BTRC: variants seen among roughly 807,000 people sequenced by gnomAD.
BTRC encodes beta-transducin repeat containing E3 ubiquitin protein ligase.
Under a neutral mutation model 85.5 loss-of-function variants are expected in BTRC, and 42 were observed. The ratio of observed to expected loss-of-function variants is 0.49; its 90% confidence interval spans 0.38 to 0.64. The LOEUF is 0.64. Among genes scored for constraint, BTRC ranks in the 30% least tolerant of loss-of-function variants. The pLI, the probability that BTRC is intolerant of heterozygous loss-of-function variation, is 0.00. For synonymous variants in BTRC, 255 were observed against 263.3 expected, an observed-to-expected ratio of 0.97 and a Z score of 0.30; for missense variants, 594 against 743.5, an observed-to-expected ratio of 0.80 and a Z score of 2.34.
intron 4 of BTRC, among the ~76,000 whole-genome samples, chr10:101,509,201 A>G (rs937720291): frequency 2.0e-5 from 3 of 149,052 alleles, no homozygotes; most frequent in Non-Finnish European, 2.9e-5. Flanking sequence ...AGTGTAAACA[A>G]TCCTATTTCC....
chr10:101,449,443 C>T (rs1337464573), intron 2 of BTRC, among the ~76,000 whole-genome samples: 2 of 151,978 alleles, frequency 1.3e-5, no homozygotes, highest in Non-Finnish European at 2.9e-5. Context: ...AACCAGATGT[C>T]CTTATTAGTG....
intron 1 of BTRC, among the ~76,000 whole-genome samples, chr10:101,392,172 G>T (rs764778855): frequency 6.6e-6 from 1 of 152,156 alleles, no homozygotes; most frequent in African/African-American, 2.4e-5. Context: ...TAGCGACTGG[G>T]TTTCACCATG....
At chr10:101,432,408 G>A (rs1944426896) in intron 2 of BTRC, among the ~76,000 whole-genome samples, 1 of 152,154 alleles carries the variant, frequency 6.6e-6, no homozygotes, top group Non-Finnish European at 1.5e-5. Flanking sequence ...GATTACAGAT[G>A]TGAGCCACTG....
chr10:101,446,432 A>G (rs1481633130), intron 2 of BTRC, among the ~76,000 whole-genome samples: 1 of 152,122 alleles, frequency 6.6e-6, no homozygotes, highest in Non-Finnish European at 1.5e-5. Context: ...CAAATTATCC[A>G]GTACATTTTT....
intron 4 of BTRC, among the ~76,000 whole-genome samples, chr10:101,515,975 G>A (rs1310903463): frequency 1.3e-5 from 2 of 152,140 alleles, no homozygotes; most frequent in Non-Finnish European, 2.9e-5. Context: ...AGTGAGTCTC[G>A]TGATGATCTG....
intron 3 of BTRC, among the ~76,000 whole-genome samples, chr10:101,463,969 A>G (rs1945299060): frequency 6.6e-6 from 1 of 151,788 alleles, no homozygotes; most frequent in South Asian, 2.1e-4. Context: ...ACAAACAAAA[A>G]TCCACAAATG....
chr10:101,521,988 C>G (rs2062113046), intron 5 of BTRC, 118 bp downstream of exon 5: 1 of 273,974 alleles, frequency 3.6e-6, no homozygotes, highest in African/African-American at 3.1e-5. Context: ...AATTAAGTTC[C>G]TTAACTGTAC....
At chr10:101,504,385 A>G (rs9420842) in intron 4 of BTRC, among the ~76,000 whole-genome samples, 44,963 of 151,844 alleles carry the variant, frequency 0.3, 7,958 homozygotes, top group Middle Eastern at 0.47. Flanking sequence ...GCATTTGGTT[A>G]TATTCATTCT....
At chr10:101,479,235 A>C (rs953012713) in intron 3 of BTRC, 133 bp from the exon 4 acceptor site, 1 of 600,624 alleles carries the variant, frequency 1.7e-6, no homozygotes, top group African/African-American at 1.9e-5. Flanking sequence ...CTTACCTCTC[A>C]GTTCCCATAA....
intron 1 of BTRC, among the ~76,000 whole-genome samples, chr10:101,366,879 T>TATATACAA (rs1942421248): frequency 4.2e-5 from 1 of 23,866 alleles, no homozygotes; most frequent in Non-Finnish European, 1.1e-4. Flanking sequence ...AATATATATT[T>TATATACAA]ATATATATTT....
At chr10:101,469,686 C>T (rs1945471434) in intron 3 of BTRC, among the ~76,000 whole-genome samples, 1 of 152,156 alleles carries the variant, frequency 6.6e-6, no homozygotes, top group Admixed American at 6.5e-5. Context: ...AATCTAACCA[C>T]CTGTGTAACC....
chr10:101,414,566 G>A (rs959979460), intron 1 of BTRC: 25 of 498,556 alleles, frequency 5.0e-5, no homozygotes, highest in South Asian at 3.7e-4. Flanking sequence ...CTGTAAAACA[G>A]CGTTAGGCAG....
intron 1 of BTRC, among the ~76,000 whole-genome samples, chr10:101,394,762 A>G (rs1048622999): frequency 2.0e-5 from 3 of 152,192 alleles, no homozygotes; most frequent in Non-Finnish European, 4.4e-5. Flanking sequence ...AGAGTAGTAC[A>G]TGGCTAGACT....
chr10:101,438,999 G>A (rs1161070773), intron 2 of BTRC, among the ~76,000 whole-genome samples: 5 of 152,138 alleles, frequency 3.3e-5, no homozygotes, highest in Non-Finnish European at 7.4e-5. Flanking sequence ...CAGAGCATGT[G>A]GCTACAGCAC....
At chr10:101,434,808 A>C (rs1015490004) in intron 2 of BTRC, among the ~76,000 whole-genome samples, 4 of 150,574 alleles carry the variant, frequency 2.7e-5, no homozygotes, top group Admixed American at 2.6e-4. Flanking sequence ...CTAAAAACGC[A>C]AATTTAGTAG....
intron 2 of BTRC, among the ~76,000 whole-genome samples, chr10:101,434,449 A>G (rs1209882140): frequency 6.6e-6 from 1 of 152,220 alleles, no homozygotes. Context: ...GAAATGGATC[A>G]TAGACCTAAA....
chr10:101,525,239 C>T (rs77856189), intron 5 of BTRC, among the ~76,000 whole-genome samples: 2,791 of 152,162 alleles, frequency 0.018, 35 homozygotes, highest in Non-Finnish European at 0.028. Context: ...GTTTACACTC[C>T]CCAAGATCTG....
At chr10:101,415,645 G>A (rs1475174290) in intron 1 of BTRC, among the ~76,000 whole-genome samples, 1 of 150,744 alleles carries the variant, frequency 6.6e-6, no homozygotes, top group Admixed American at 6.6e-5. Flanking sequence ...GAGTTCAAGC[G>A]ATTCTCCTGC....
At chr10:101,478,885 GC>G (rs1309687185) in intron 3 of BTRC, among the ~76,000 whole-genome samples, 1 of 150,132 alleles carries the variant, frequency 6.7e-6, no homozygotes, top group Non-Finnish European at 1.5e-5. Flanking sequence ...GTTGCAGTGA[GC>G]CGAGATCACG....
Sources: gnomAD v4.1 joint callset for allele counts (sites outside exome capture counted in the v4.1 genomes callset) on GRCh38, gnomAD v4.1.1 for gene constraint, MANE v1.5 for transcripts, NCBI Gene and HGNC (gene_info 2026-07-23, HGNC 2026-07-21) for gene names.